The following LDB1 variants were observed in gnomAD, a reference collection of about 807,000 sequenced individuals.
The protein encoded by LDB1 is LIM domain-binding protein 1.
In LDB1, 6 loss-of-function variants were observed where a neutral mutation model predicts 49.7. The observed-to-expected ratio is 0.12, with a 90% CI of 0.07 to 0.24. The LOEUF is 0.24. Ranked by LOEUF, LDB1 falls within the 10% of genes least tolerant of loss-of-function variation. The pLI is 1.00. For synonymous variants in LDB1, 233 were observed against 202.0 expected (o/e 1.15, Z -1.30); for missense variants, 341 against 561.7 (o/e 0.61, Z 3.97).
chr10:102,114,320 C>G, intron 1 of LDB1: 1 of 985,542 alleles, frequency 1.0e-6, no homozygotes, highest in Non-Finnish European at 1.2e-6. Context: ...GCTGGGGCAC[C>G]TCTCCCCCAG....
At chr10:102,118,781 A>G (rs1411400361) in intron 1 of LDB1, among the ~76,000 whole-genome samples, 1 of 152,172 alleles carries the variant, frequency 6.6e-6, no homozygotes, top group Admixed American at 6.5e-5. Flanking sequence ...GAAAATCCAC[A>G]ACATAAACAT....
intron 1 of LDB1, 151 bp downstream of exon 1, chr10:102,119,935 C>G: frequency 2.1e-6 from 1 of 465,388 alleles, no homozygotes; most frequent in Middle Eastern, 4.2e-4. Context: ...AAAACGCTAC[C>G]CGCCAGCCTG....
Position 102,109,499 on chromosome 10 carries a change from C to G in LDB1, c.741G>C (p.Val247=). The change falls in exon 9 of 11, where the codon GTG becomes GTC. Residue 247 remains valine (V), a synonymous_variant. Coordinates refer to ENST00000673968, the MANE Select transcript of LDB1 (RefSeq NM_001113407.3). The surrounding 1 kb of genome is among the most constrained non-coding windows in gnomAD (Gnocchi z 5.8). ...NSTLNYLRLC[V]ILEPMQELMS... The stretch of plus-strand genomic sequence containing the variant: ...TGAGCTCTTGCATGGGCTCGAGTAT[C>G]ACACAGAGCTAGGGGTAGACAAGGA... 1.2e-6 allele frequency: 2 copies of G among 1,614,110 alleles called. No homozygotes were observed. Among genetic ancestry groups the G allele is most frequent in the African/African-American group, 1.3e-5 (1 of 75,004 alleles).
At chr10:102,119,682 G>A (rs1444150526) in intron 1 of LDB1, among the ~76,000 whole-genome samples, 2 of 148,274 alleles carry the variant, frequency 1.3e-5, no homozygotes, top group African/African-American at 5.0e-5. Flanking sequence ...ATAGGTAAGA[G>A]GCAATGGGCA....
chr10:102,104,264 T>C (rs905674756), downstream of LDB1, among the ~76,000 whole-genome samples: 6 of 152,140 alleles, frequency 3.9e-5, no homozygotes, highest in Admixed American at 1.3e-4. Flanking sequence ...CCTCTGTGGA[T>C]CCAGAAGCCC....
At position 102,107,582 on chromosome 10, in the gene LDB1, T is replaced by C. The variant is rs1282958154; in HGVS notation, c.*511A>G. The C allele has an allele frequency of 6.5e-6, 1 of 153,340 alleles. No individual in the cohort carries two copies. The highest frequency in any genetic ancestry group is 2.4e-5 in the African/African-American group (1 of 41,338). 9.5% of individuals were successfully genotyped at this position (153,340 alleles called of 1,614,324 possible). The stretch of plus-strand genomic sequence containing the variant: ...TGATTTTTTTTTTAACTTACATTTT[T>C]AATAATATTATTTTTAAAAAAACTT... On this transcript the variant is annotated 3_prime_UTR_variant, in exon 11 of 11. Coordinates refer to ENST00000673968, the MANE Select transcript of LDB1 (RefSeq NM_001113407.3).
chr10:102,107,403 G>A lies in LDB1; in HGVS notation c.*690C>T, dbSNP rs1013689459. Among the ~76,000 whole-genome samples, 1 of 152,006 alleles carries A rather than the reference G, an allele frequency of 6.6e-6. No individual in the cohort carries two copies. The highest frequency in any genetic ancestry group is 1.5e-5 in the Non-Finnish European group (1 of 68,010). On this transcript the variant is annotated 3_prime_UTR_variant, in exon 11 of 11. Coordinates refer to ENST00000673968, the MANE Select transcript of LDB1 (RefSeq NM_001113407.3). The stretch of plus-strand genomic sequence containing the variant: ...CCCAGAGGAAAGGGGGAGAGATGGT[G>A]AAATGTCTCCTTGGTCTGAAGCTCT...
intron 1 of LDB1, among the ~76,000 whole-genome samples, chr10:102,116,205 G>A (rs546302072): frequency 1.7e-4 from 26 of 151,910 alleles, no homozygotes; most frequent in South Asian, 2.1e-4. Context: ...TTTCCAAGAC[G>A]GAGTCTCGCT....
upstream of LDB1, chr10:102,120,448 C>T (rs2068403997): frequency 1.0e-6 from 1 of 964,236 alleles, no homozygotes; most frequent in Non-Finnish European, 1.2e-6. Context: ...CCCCTCTCCG[C>T]CCTCGCGCTC....
rs945508979 is a variant in LDB1 at position 102,107,275 on chromosome 10, G to A, written c.*818C>T. Among the ~76,000 whole-genome samples, 16 of 152,092 alleles carry A rather than the reference G, an allele frequency of 1.1e-4. No homozygotes were observed. Among genetic ancestry groups the A allele is most frequent in the Admixed American group, 6.5e-5 (1 of 15,268 alleles). ...ACAAGCACTAGGAGGGCAGGCCAGA[G>A]TCCAGAGAATGGGGACACAGAGACA... On this transcript the variant is annotated 3_prime_UTR_variant, in exon 11 of 11. Transcript: ENST00000673968.
upstream of LDB1, chr10:102,120,493 A>T: frequency 1.6e-6 from 1 of 613,224 alleles, no homozygotes. Flanking sequence ...TCCCCAGCCC[A>T]AGCCGGGCAG....
chr10:102,111,444 T>C lies in LDB1; in HGVS notation c.118A>G (p.Arg40Gly). Reference sequence around the variant, plus strand: ...AAGAGACTCACTTACCCCACATCCCTATCCAGCATGGTGCCGGGATGGAAG... The same window carrying C: ...AAGAGACTCACTTACCCCACATCCCCATCCAGCATGGTGCCGGGATGGAAG... ...PPFHPGTMLD[R>G]DVGPTPMYPP... The change falls in exon 2 of 11, where the codon AGG becomes GGG. Residue 40 changes from arginine to glycine, a missense_variant. By Grantham distance (125) the Arg-to-Gly change is moderately radical. Coordinates refer to ENST00000673968, the MANE Select transcript of LDB1 (RefSeq NM_001113407.3). 6.3e-7 allele frequency: 1 copy of C among 1,580,688 alleles called. No individual in the cohort carries two copies. Among genetic ancestry groups the C allele is most frequent in the Non-Finnish European group, 8.6e-7 (1 of 1,161,188 alleles).
chr10:102,119,136 C>A (rs1323283094), intron 1 of LDB1, among the ~76,000 whole-genome samples: 1 of 152,166 alleles, frequency 6.6e-6, no homozygotes, highest in East Asian at 1.9e-4. Context: ...GGGACACTGA[C>A]TTCCAGGAGA....
rs1165695878 is a variant in LDB1 at position 102,109,711 on chromosome 10, A to G, written c.649-28T>C. ...AGAGTGGGAGAAAAGACAAGAAAGA[A>G]CACTGACACCTGGGTTGCCTCTGCT... On this transcript the variant is annotated intron_variant, in intron 7 of 10. Transcript: ENST00000673968. This position sits in a 1 kb window ranked among gnomAD's most constrained non-coding sequence, Gnocchi z 5.8. 2 of 1,608,714 alleles carry G rather than the reference A, an allele frequency of 1.2e-6. No homozygotes were observed. Among genetic ancestry groups the G allele is most frequent in the Non-Finnish European group, 8.5e-7 (1 of 1,175,210 alleles).
At chr10:102,111,803 A>G (rs1784500628) in intron 1 of LDB1, among the ~76,000 whole-genome samples, 2 of 152,108 alleles carry the variant, frequency 1.3e-5, no homozygotes, top group African/African-American at 4.8e-5. Context: ...GTGAGCGGAG[A>G]TCATACCACT....
chr10:102,110,828 GAGGTATAC>G (rs1225098324), intron 5 of LDB1, 33 bp downstream of exon 5: 32 of 1,587,164 alleles, frequency 2.0e-5, no homozygotes, highest in Non-Finnish European at 2.8e-5. Context: ...AACGACATAG[GAGGTATAC>G]ACCCTCATAG....
downstream of LDB1, among the ~76,000 whole-genome samples, chr10:102,104,635 G>A (rs2133490744): frequency 6.6e-6 from 1 of 152,292 alleles, no homozygotes; most frequent in South Asian, 2.1e-4. Flanking sequence ...GTTCAATAGT[G>A]TGTTTTCCTG....
At chr10:102,121,149 G>A (rs1197323577), upstream of LDB1, among the ~76,000 whole-genome samples, 1 of 152,086 alleles carries the variant, frequency 6.6e-6, no homozygotes, top group East Asian at 1.9e-4. Context: ...CTGGGGGGAG[G>A]GGGCTGCGGA....
At chr10:102,120,050 G>T in intron 1 of LDB1, 36 bp downstream of exon 1, 1 of 1,414,090 alleles carries the variant, frequency 7.1e-7, no homozygotes, top group Non-Finnish European at 9.4e-7. Flanking sequence ...GGACGGCTGG[G>T]CAGGAAGGGG....
Sources: gnomAD v4.1 joint callset for allele counts (sites outside exome capture counted in the v4.1 genomes callset) on GRCh38, gnomAD v4.1.1 for gene constraint, Gnocchi (gnomAD v3.1) non-coding constraint, MANE v1.5 for transcripts, NCBI Gene and HGNC (gene_info 2026-07-23, HGNC 2026-07-21) for gene names.